The following DISC1 variants were observed in gnomAD, a reference collection of about 807,000 sequenced individuals.
DISC1 encodes the protein DISC1 scaffold protein.
A neutral mutation model predicts 84.5 loss-of-function variants in DISC1; 57 were observed. The observed-to-expected ratio is 0.67, with a 90% CI of 0.55 to 0.84. The LOEUF (loss-of-function observed/expected upper bound fraction) is 0.84, where lower values mean the gene tolerates loss of function less well. Among genes scored for constraint, DISC1 ranks in the 40% least tolerant of loss-of-function variants. The pLI is 0.00. For synonymous variants in DISC1, 411 were observed against 415.2 expected (o/e 0.99, Z 0.12); for missense variants, 1,000 against 1,057.8 (o/e 0.95, Z 0.76).
chr1:231,702,419 G>A, intron 3 of DISC1: 1 of 993,046 alleles, frequency 1.0e-6, no homozygotes, highest in Non-Finnish European at 1.2e-6. Context: ...CATGGTATCT[G>A]CCCTTGTGAT....
intron 12 of DISC1, among the ~76,000 whole-genome samples, chr1:232,034,417 T>G (rs1263675370): frequency 6.6e-6 from 1 of 152,228 alleles, no homozygotes; most frequent in Non-Finnish European, 1.5e-5. Context: ...GCTAGGGAGT[T>G]ATCTCCTCAA....
Position 231,715,248 on chromosome 1 carries a change from C to T in DISC1, c.1117+13224C>T, listed in dbSNP as rs534024417. ...GGTGCAGTGCAGATAAAAATAGTAG[C>T]TAGTATGCTTATTGCCTAGTGAAAC... On this transcript the variant is annotated intron_variant, in intron 3 of 12. Transcript: ENST00000439617. 3.9e-5 allele frequency among the ~76,000 whole-genome samples: 6 copies of T among 152,212 alleles called. No homozygotes were observed. The East Asian group carries it at 1.2e-3, about 29-fold the overall frequency.
At chr1:232,032,625 C>A (rs2103062473) in intron 12 of DISC1, among the ~76,000 whole-genome samples, 1 of 152,260 alleles carries the variant, frequency 6.6e-6, no homozygotes, top group African/African-American at 2.4e-5. Flanking sequence ...TACTTGGTGG[C>A]ATATCTGTTA....
intron 3 of DISC1, among the ~76,000 whole-genome samples, chr1:231,716,077 C>G (rs554167793): frequency 1.3e-5 from 2 of 152,246 alleles, no homozygotes; most frequent in South Asian, 4.1e-4. Flanking sequence ...GATGCCTGCA[C>G]AGTGCCTGGA....
chr1:231,858,267 A>T (rs574358878), intron 9 of DISC1, among the ~76,000 whole-genome samples: 1 of 152,330 alleles, frequency 6.6e-6, no homozygotes, highest in East Asian at 1.9e-4. Flanking sequence ...CATCCGGGCC[A>T]CCTGCCCCAG....
In DISC1 at chr1:231,896,103, A is replaced by G. The variant is rs148381840; in HGVS notation, c.1982-62725A>G. On this transcript the variant is annotated intron_variant, in intron 9 of 12. Coordinates refer to ENST00000439617, the MANE Select transcript of DISC1 (RefSeq NM_018662.3). ...TCCTACCACTACATTCCCCCTTCCT[A>G]TGAGTTTCATCGTACCAATGATGGC... 2.8e-3 allele frequency among the ~76,000 whole-genome samples: 426 copies of G among 152,130 alleles called. 2 individuals carry two copies. Among genetic ancestry groups the G allele is most frequent in the Non-Finnish European group, 3.7e-3 (250 of 67,996 alleles).
chr1:231,824,744 G>A (rs1294151555), intron 9 of DISC1, among the ~76,000 whole-genome samples: 4 of 152,142 alleles, frequency 2.6e-5, no homozygotes, highest in Non-Finnish European at 5.9e-5. Context: ...CATCTGCATA[G>A]CACCTGATAT....
At chr1:231,774,131 G>A (rs954846432) in intron 6 of DISC1, among the ~76,000 whole-genome samples, 3 of 152,080 alleles carry the variant, frequency 2.0e-5, no homozygotes, top group African/African-American at 7.2e-5. Flanking sequence ...GAGTGTACTT[G>A]TAGTCCTAGC....
At chr1:231,900,598 T>C (rs1211261723) in intron 9 of DISC1, among the ~76,000 whole-genome samples, 3 of 152,216 alleles carry the variant, frequency 2.0e-5, no homozygotes, top group Non-Finnish European at 2.9e-5. Flanking sequence ...AAGGCCATAT[T>C]CTTTTGTTAC....
intron 1 of DISC1, chr1:231,685,213 T>C (rs2064127370): frequency 6.6e-6 from 1 of 152,254 alleles, no homozygotes; most frequent in Admixed American, 6.5e-5. Context: ...TTCATATCGA[T>C]GTCTACCTTT....
chr1:232,004,171 A>G (rs909436346), intron 10 of DISC1, among the ~76,000 whole-genome samples: 1 of 151,950 alleles, frequency 6.6e-6, no homozygotes, highest in African/African-American at 2.4e-5. Flanking sequence ...GTGTTTACAG[A>G]AGCTAATAAA....
chr1:231,686,220 G>A (rs763754041), intron 1 of DISC1, among the ~76,000 whole-genome samples: 1 of 152,226 alleles, frequency 6.6e-6, no homozygotes, highest in Non-Finnish European at 1.5e-5. Flanking sequence ...AGCTCCACTA[G>A]GCGGTACCCC....
At chr1:231,763,742 C>CA (rs1365245728) in intron 4 of DISC1, among the ~76,000 whole-genome samples, 1 of 152,174 alleles carries the variant, frequency 6.6e-6, no homozygotes, top group Non-Finnish European at 1.5e-5. Context: ...CCATGCCTTG[C>CA]AATTGCCCAT....
At chr1:231,773,826 A>G (rs1016742731) in intron 6 of DISC1, among the ~76,000 whole-genome samples, 2 of 152,206 alleles carry the variant, frequency 1.3e-5, no homozygotes, top group African/African-American at 4.8e-5. Context: ...ACCATCCCCA[A>G]TCCGAACATT....
chr1:232,009,606 G>A lies in DISC1; in HGVS notation c.2307+557G>A. On this transcript the variant is annotated intron_variant, in intron 11 of 12. Transcript: ENST00000439617. The surrounding 1 kb of genome is among the most constrained non-coding windows in gnomAD (Gnocchi z 4.6). ...TTCTTCTTTCATAAACACAACTAAAGTTTGGCCTGAGATATATGTATTACA... is the reference window on the plus strand; with the variant it reads ...TTCTTCTTTCATAAACACAACTAAAATTTGGCCTGAGATATATGTATTACA... 2 of 919,264 alleles carry A rather than the reference G, an allele frequency of 2.2e-6. No individual in the cohort carries two copies. The highest frequency in any genetic ancestry group is 2.6e-6 in the Non-Finnish European group (2 of 769,922). The allele number at this position is 919,264 out of a possible 1,614,324, so 56.9% of individuals were successfully genotyped here. A position where few individuals can be genotyped will look rare whatever the true frequency, so the allele number is the denominator to read the frequency against.
At chr1:231,943,091 C>T (rs2091441317) in intron 9 of DISC1, among the ~76,000 whole-genome samples, 1 of 152,238 alleles carries the variant, frequency 6.6e-6, no homozygotes, top group African/African-American at 2.4e-5. Flanking sequence ...CCCAAGGCCC[C>T]TATACTATAT....
At chr1:231,762,619 G>A (rs368920274) in intron 4 of DISC1, among the ~76,000 whole-genome samples, 2 of 151,220 alleles carry the variant, frequency 1.3e-5, no homozygotes, top group South Asian at 4.2e-4. Context: ...CCAAAGTGCT[G>A]GGATGACAGG....
In DISC1 at chr1:232,036,846, G is replaced by T; in HGVS notation, c.*15G>T. ...CACAAGCCTGAGGAGTGACGGGATG[G>T]GGGAGGGAGGTGGGCCACCATGTTT... On this transcript the variant is annotated 3_prime_UTR_variant, in exon 13 of 13. Coordinates refer to ENST00000439617, the MANE Select transcript of DISC1 (RefSeq NM_018662.3). The T allele has an allele frequency of 1.9e-6, 3 of 1,539,078 alleles. No individual in the cohort carries two copies. Among genetic ancestry groups the T allele is most frequent in the South Asian group, 2.5e-5 (2 of 81,384 alleles).
chr1:231,817,333 C>T lies in DISC1; in HGVS notation c.1793-996C>T, dbSNP rs1479998123. Among the ~76,000 whole-genome samples, 4 of 152,324 alleles carry T rather than the reference C, an allele frequency of 2.6e-5. No homozygotes were observed. In the South Asian group the frequency reaches 6.2e-4, roughly 24 times the overall value. ...CACCTGACCTCAAGGGACCCACCAC[C>T]TCGGCCTCCCAAAATGCTGGGATTA... On this transcript the variant is annotated intron_variant, in intron 8 of 12. Transcript: ENST00000439617.
Sources: allele counts gnomAD v4.1 joint callset (sites outside exome capture counted in the v4.1 genomes callset), GRCh38; gene constraint gnomAD v4.1.1; non-coding constraint Gnocchi (gnomAD v3.1); transcripts MANE v1.5; gene names NCBI Gene and HGNC (gene_info 2026-07-23, HGNC 2026-07-21).